The following DEF8 variants were observed in gnomAD, a reference collection of about 807,000 sequenced individuals.
The protein encoded by DEF8 is differentially expressed in FDCP 8 homolog, also known as DEF-8.
In DEF8, 38 loss-of-function variants were observed where a neutral mutation model predicts 59.1. The ratio of observed to expected loss-of-function variants is 0.64; its 90% CI spans 0.50 to 0.84. The LOEUF is 0.84. DEF8 is among the 40% of genes least tolerant of loss of function. The pLI, the probability that DEF8 is intolerant of heterozygous loss-of-function variation, is 0.00. For synonymous variants in DEF8, 265 were observed against 250.1 expected (o/e 1.06, Z -0.56); for missense variants, 557 against 615.2 (o/e 0.91, Z 1.00).
chr16:89,958,428 T>C (rs1361110640), intron 5 of DEF8: 2 of 156,380 alleles, frequency 1.3e-5, no homozygotes, highest in Non-Finnish European at 2.8e-5. Flanking sequence ...ATGTTCCTGA[T>C]GCAGTCCTTG....
chr16:89,956,877 G>C (rs1364004505), intron 4 of DEF8: 1 of 152,224 alleles, frequency 6.6e-6, no homozygotes, highest in Admixed American at 6.5e-5. Flanking sequence ...GGGGAGGGGA[G>C]GGTGCCACCT....
intron 4 of DEF8, 76 bp from the exon 5 acceptor site, chr16:89,957,435 T>A: frequency 6.8e-7 from 1 of 1,472,382 alleles, no homozygotes; most frequent in Non-Finnish European, 9.1e-7. Flanking sequence ...GCTCTGGGCC[T>A]GTCTCGGCGG....
In DEF8 at chr16:89,963,420, A is replaced by G. The variant is rs762769133; in HGVS notation, c.979A>G (p.Met327Val). ...GTACTTCATCACCTGCAGGGAGGCCATGGAGGCTCGTCTGCTGCTGCAGGT... is the reference window on the plus strand; with the variant it reads ...GTACTTCATCACCTGCAGGGAGGCCGTGGAGGCTCGTCTGCTGCTGCAGGT... ...KPYFITCREA[M>V]EARLLLQLQD... Residue 327 changes from methionine (M) to valine (V), a missense_variant, in exon 10 of 13, where the codon ATG becomes GTG. Coordinates refer to ENST00000563594, the MANE Select transcript of DEF8 (RefSeq NM_001242818.2). 4 of 1,613,652 alleles carry G rather than the reference A, an allele frequency of 2.5e-6. No homozygotes were observed. Among genetic ancestry groups the G allele is most frequent in the East Asian group, 2.2e-5 (1 of 44,864 alleles).
intron 4 of DEF8, among the ~76,000 whole-genome samples, chr16:89,955,960 C>A (rs1426199969): frequency 6.6e-6 from 1 of 151,824 alleles, no homozygotes; most frequent in Non-Finnish European, 1.5e-5. Context: ...GTAGTCCCAG[C>A]TACTCGGGAG....
chr16:89,949,821 C>G (rs2031652069), intron 2 of DEF8, among the ~76,000 whole-genome samples: 1 of 152,200 alleles, frequency 6.6e-6, no homozygotes, highest in Non-Finnish European at 1.5e-5. Flanking sequence ...CACTTCCTGC[C>G]CGCTCCTTTC....
intron 6 of DEF8, chr16:89,959,512 T>A: frequency 2.3e-6 from 1 of 441,052 alleles, no homozygotes; most frequent in East Asian, 5.8e-5. Context: ...GTTTTGTTTT[T>A]GAGACGGAGT....
chr16:89,951,815 T>C (rs977449678), intron 2 of DEF8, among the ~76,000 whole-genome samples: 1 of 152,166 alleles, frequency 6.6e-6, no homozygotes, highest in Non-Finnish European at 1.5e-5. Flanking sequence ...TTTTTTCTCA[T>C]ATGTATGTAT....
chr16:89,951,699 G>A (rs2032123330), intron 2 of DEF8, among the ~76,000 whole-genome samples: 1 of 152,178 alleles, frequency 6.6e-6, no homozygotes, highest in South Asian at 2.1e-4. Flanking sequence ...CCCCAGTGTG[G>A]CTATTCCAGC....
Position 89,967,547 on chromosome 16 carries a change from T to G in DEF8, c.*1584T>G. ...ACGGTGAGCAGGGAACATGTCGGAGTCCTTCAGAGAATGTGATGTGAGGTT... is the reference window on the plus strand; with the variant it reads ...ACGGTGAGCAGGGAACATGTCGGAGGCCTTCAGAGAATGTGATGTGAGGTT... On this transcript the variant is annotated 3_prime_UTR_variant, in exon 13 of 13. Transcript: ENST00000563594. 1 of 398,270 alleles carries G rather than the reference T, an allele frequency of 2.5e-6. No homozygotes were observed. Among genetic ancestry groups the G allele is most frequent in the Non-Finnish European group, 4.4e-6 (1 of 226,048 alleles). 24.7% of individuals were successfully genotyped at this position (398,270 alleles called of 1,614,324 possible).
intron 2 of DEF8, among the ~76,000 whole-genome samples, chr16:89,950,886 T>C (rs1472293599): frequency 6.6e-6 from 1 of 152,092 alleles, no homozygotes; most frequent in Admixed American, 6.5e-5. Flanking sequence ...GAGGCTAATA[T>C]GGGAGGACCC....
Position 89,962,082 on chromosome 16 carries a change from A to C in DEF8, c.878A>C (p.Asn293Thr). 1 of 1,613,290 alleles carries C rather than the reference A, an allele frequency of 6.2e-7. No homozygotes were observed. The highest frequency in any genetic ancestry group is 8.5e-7 in the Non-Finnish European group (1 of 1,179,864). The change falls in exon 9 of 13, where the codon AAC becomes ACC. Residue 293 changes from asparagine to threonine, a missense_variant. Coordinates refer to ENST00000563594, the MANE Select transcript of DEF8 (RefSeq NM_001242818.2). ...SRPVLRLREI[N>T]PLLFSYVEEL... is the part of the protein sequence containing the mutation. Reference sequence around the variant, plus strand: ...CCCGTACTCAGGCTCCGGGAGATCAACCCTCTGCTGTTCAGCTACGTGGAG... The same window carrying C: ...CCCGTACTCAGGCTCCGGGAGATCACCCCTCTGCTGTTCAGCTACGTGGAG...
At chr16:89,949,358 G>A in intron 1 of DEF8, 59 bp from the exon 2 acceptor site, 5 of 1,407,968 alleles carry the variant, frequency 3.6e-6, no homozygotes, top group Non-Finnish European at 4.8e-6. Flanking sequence ...GAGACCGGGC[G>A]AGCTCCCGCG....
intron 4 of DEF8, among the ~76,000 whole-genome samples, chr16:89,955,800 C>A (rs574431041): frequency 6.6e-6 from 1 of 151,986 alleles, no homozygotes; most frequent in Non-Finnish European, 1.5e-5. Flanking sequence ...AGGCCGGGCG[C>A]GGTGGCTCAC....
chr16:89,962,399 C>T (rs1307471365), intron 9 of DEF8, among the ~76,000 whole-genome samples: 4 of 152,246 alleles, frequency 2.6e-5, no homozygotes, highest in Non-Finnish European at 5.9e-5. Flanking sequence ...GTGCTCACAC[C>T]TGTAATCCCA....
chr16:89,952,628 A>T (rs2151137676), intron 2 of DEF8: 1 of 152,390 alleles, frequency 6.6e-6, no homozygotes, highest in Admixed American at 6.5e-5. Flanking sequence ...GAGACTGGGG[A>T]GGTGCTGGCA....
intron 10 of DEF8, chr16:89,963,715 GT>G (rs2034323025): frequency 1.9e-6 from 1 of 531,074 alleles, no homozygotes; most frequent in Admixed American, 3.3e-5. Context: ...ACAAAACACA[GT>G]TTTCAAGGTT....
At chr16:89,952,026 T>G (rs545759091) in intron 2 of DEF8, among the ~76,000 whole-genome samples, 1 of 152,128 alleles carries the variant, frequency 6.6e-6, no homozygotes, top group Non-Finnish European at 1.5e-5. Flanking sequence ...TACAGGCGCC[T>G]GCCACCACAC....
rs1290516351 is a variant in DEF8, at chr16:89,967,232, G to A, written c.*1269G>A. 1 of 398,610 alleles carries A rather than the reference G, an allele frequency of 2.5e-6. No individual in the cohort carries two copies. Among genetic ancestry groups the A allele is most frequent in the Non-Finnish European group, 4.4e-6 (1 of 226,182 alleles). The allele number at this position is 398,610 out of a possible 1,614,324, so 24.7% of individuals were successfully genotyped here. On this transcript the variant is annotated 3_prime_UTR_variant, in exon 13 of 13. Transcript: ENST00000563594. The stretch of plus-strand genomic sequence containing the variant: ...CTGTGCTTGGCTGTTGGTGCACATG[G>A]TTGGCACACGGTGGGCAGAGGGCAG...
chr16:89,954,412 A>G lies in DEF8; in HGVS notation c.124+36A>G, dbSNP rs747344338. On this transcript the variant is annotated intron_variant, in intron 3 of 12. Coordinates refer to ENST00000563594, the MANE Select transcript of DEF8 (RefSeq NM_001242818.2). The surrounding 1 kb of genome is among the most constrained non-coding windows in gnomAD (Gnocchi z 4.3). Reference sequence around the variant, plus strand: ...GTGGGAGTCAGGGTGGGAGCTGGGCAGGTCTCTGACTGCTTACGTGGACCC... The same window carrying G: ...GTGGGAGTCAGGGTGGGAGCTGGGCGGGTCTCTGACTGCTTACGTGGACCC... The G allele has an allele frequency of 6.2e-7, 1 of 1,606,052 alleles. No individual in the cohort carries two copies.
Sources: gnomAD v4.1 joint callset for allele counts (sites outside exome capture counted in the v4.1 genomes callset) on GRCh38, gnomAD v4.1.1 for gene constraint, Gnocchi (gnomAD v3.1) non-coding constraint, MANE v1.5 for transcripts, NCBI Gene and HGNC (gene_info 2026-07-23, HGNC 2026-07-21) for gene names.